SPMAP2L: variants seen among roughly 807,000 people sequenced by gnomAD.
SPMAP2L encodes the protein sperm microtubule associated protein 2 like.
the SPMAP2L span, among the ~76,000 whole-genome samples, chr4:56,549,890 A>C: frequency 5.3e-5 from 8 of 152,218 alleles, no homozygotes; most frequent in Non-Finnish European, 1.2e-4. Flanking sequence ...ATATTTCAAA[A>C]TCTGAAAATA....
chr4:56,558,664 C>G, the SPMAP2L span, among the ~76,000 whole-genome samples: 1 of 152,152 alleles, frequency 6.6e-6, no homozygotes, highest in Admixed American at 6.5e-5. Flanking sequence ...AATCCCTGAC[C>G]CTCCTAACCT....
At chr4:56,552,941 G>A in the SPMAP2L span, among the ~76,000 whole-genome samples, 147 of 152,006 alleles carry the variant, frequency 9.7e-4, no homozygotes, top group East Asian at 9.9e-3. Context: ...CACTGCTCAG[G>A]GGTGTGACTG....
At chr4:56,565,403 C>A in the SPMAP2L span, among the ~76,000 whole-genome samples, 4 of 152,258 alleles carry the variant, frequency 2.6e-5, no homozygotes, top group South Asian at 8.3e-4. Flanking sequence ...ATAAAAAAAT[C>A]TGAAATCCAA....
chr4:56,600,396 C>T, the SPMAP2L span, among the ~76,000 whole-genome samples: 71 of 152,138 alleles, frequency 4.7e-4, 2 homozygotes, highest in South Asian at 0.014. Context: ...CTGGTTCAGG[C>T]GATTCTTCTG....
At chr4:56,593,518 C>G in the SPMAP2L span, 1 of 1,599,418 alleles carries the variant, frequency 6.3e-7, no homozygotes, top group Admixed American at 1.7e-5. Flanking sequence ...GAGTGGGAGC[C>G]TGGCCTGCTG....
chr4:56,615,338 C>T, the SPMAP2L span, among the ~76,000 whole-genome samples: 1 of 152,198 alleles, frequency 6.6e-6, no homozygotes, highest in Non-Finnish European at 1.5e-5. Context: ...CACTTTACCC[C>T]AAAGTACCTG....
chr4:56,618,717 G>A, the SPMAP2L span, among the ~76,000 whole-genome samples: 7,469 of 152,220 alleles, frequency 0.049, 445 homozygotes, highest in East Asian at 0.32. Context: ...ATGAGATTTG[G>A]GTGGGGACAC....
the SPMAP2L span, chr4:56,552,630 A>G: frequency 1.7e-3 from 2,384 of 1,411,862 alleles, 20 homozygotes; most frequent in African/African-American, 0.028. Context: ...GCAATATTGT[A>G]TGGTCCTGTT....
the SPMAP2L span, among the ~76,000 whole-genome samples, chr4:56,608,010 A>AG: frequency 2.3e-3 from 347 of 151,346 alleles, no homozygotes; most frequent in African/African-American, 7.8e-3. Context: ...AAAAAAAAAA[A>AG]AAAGAAAGAA....
At chr4:56,600,093 C>CTTT in the SPMAP2L span, among the ~76,000 whole-genome samples, 2 of 93,854 alleles carry the variant, frequency 2.1e-5, no homozygotes, top group African/African-American at 4.7e-5. Context: ...TTTTTCTTTG[C>CTTT]TTTCTTTTTT....
chr4:56,531,142 C>T, the SPMAP2L span: 1 of 1,534,084 alleles, frequency 6.5e-7, no homozygotes, highest in Non-Finnish European at 8.7e-7. Flanking sequence ...CAGAGCCCCG[C>T]CACGGCCTCA....
chr4:56,617,068 TTGA>T, the SPMAP2L span, among the ~76,000 whole-genome samples: 1 of 152,168 alleles, frequency 6.6e-6, no homozygotes, highest in South Asian at 2.1e-4. Flanking sequence ...CATGTGTCAC[TTGA>T]TGACAGGGAT....
the SPMAP2L span, among the ~76,000 whole-genome samples, chr4:56,548,579 T>C: frequency 6.6e-6 from 1 of 152,202 alleles, no homozygotes; most frequent in African/African-American, 2.4e-5. Context: ...CAAGTAGATA[T>C]TCTCTTATTT....
the SPMAP2L span, chr4:56,530,889 C>T: frequency 6.5e-7 from 1 of 1,534,684 alleles, no homozygotes. Flanking sequence ...ACCAGAGAGA[C>T]GAGTCCGAGG....
At chr4:56,589,333 C>T in the SPMAP2L span, among the ~76,000 whole-genome samples, 1,041 of 152,216 alleles carry the variant, frequency 6.8e-3, 13 homozygotes, top group African/African-American at 0.023. Flanking sequence ...TTGGTGACTA[C>T]GGCCTTATAG....
the SPMAP2L span, among the ~76,000 whole-genome samples, chr4:56,576,163 G>A: frequency 2.6e-5 from 4 of 152,244 alleles, no homozygotes; most frequent in South Asian, 4.1e-4. Context: ...TACTTTAGTC[G>A]GAACACACTG....
At chr4:56,547,403 G>C in the SPMAP2L span, among the ~76,000 whole-genome samples, 5 of 151,988 alleles carry the variant, frequency 3.3e-5, no homozygotes, top group African/African-American at 9.7e-5. Context: ...ACACCACTAT[G>C]AGTGGCTAAT....
chr4:56,602,210 ATCTGATCCC>A, the SPMAP2L span, among the ~76,000 whole-genome samples: 1 of 152,232 alleles, frequency 6.6e-6, no homozygotes, highest in Admixed American at 6.5e-5. Context: ...GACGGATAAC[ATCTGATCCC>A]TCTTTTAAAG....
chr4:56,593,038 C>A, the SPMAP2L span: 6 of 1,594,126 alleles, frequency 3.8e-6, no homozygotes, highest in Middle Eastern at 3.6e-4. Context: ...CAAGCAAAAA[C>A]CAGATCTGGA....
Sources: allele counts gnomAD v4.1 joint callset (sites outside exome capture counted in the v4.1 genomes callset), GRCh38; gene constraint gnomAD v4.1.1; transcripts MANE v1.5; gene names NCBI Gene and HGNC (gene_info 2026-07-23, HGNC 2026-07-21).